Variants in MAP2K1 observed in about 807,000 individuals in gnomAD.
MAP2K1 encodes dual specificity mitogen-activated protein kinase kinase 1.
A neutral mutation model predicts 46.3 loss-of-function variants in MAP2K1; 16 were observed. That is an observed-to-expected ratio of 0.35 (90% CI 0.23 to 0.52). MAP2K1 has a LOEUF of 0.52. MAP2K1 is among the 20% of genes least tolerant of loss of function. The pLI is 0.94. For synonymous variants in MAP2K1, 183 were observed against 185.6 expected, an observed-to-expected ratio of 0.99 and a Z score of 0.11; for missense variants, 263 against 497.1, an observed-to-expected ratio of 0.53 and a Z score of 4.48.
chr15:66,448,623 G>A (rs905886841), intron 5 of MAP2K1, among the ~76,000 whole-genome samples: 1 of 152,170 alleles, frequency 6.6e-6, no homozygotes, highest in Non-Finnish European at 1.5e-5. Flanking sequence ...GTTGGAATTT[G>A]CATGACCAGC....
At chr15:66,448,372 G>A (rs149268018) in intron 5 of MAP2K1, among the ~76,000 whole-genome samples, 74 of 152,298 alleles carry the variant, frequency 4.9e-4, no homozygotes, top group African/African-American at 1.7e-3. Context: ...TCTTAAGTAA[G>A]TGCTGGTTCT....
In MAP2K1 at chr15:66,430,759, C is replaced by T. The variant is rs190374548; in HGVS notation, c.81-4268C>T. ...CTGCTTGATTTAAACCACTGAGCCA[C>T]AAATGAAAGGTTCCAGTTGCAACAG... is the stretch of plus-strand genomic sequence containing the variant. On this transcript the variant is annotated intron_variant, in intron 1 of 10. Transcript: ENST00000307102. Among the ~76,000 whole-genome samples the T allele has an allele frequency of 3.9e-5, 6 of 152,230 alleles. No individual in the cohort carries two copies. In the East Asian group the frequency reaches 9.7e-4, roughly 24 times the overall value.
intron 10 of MAP2K1, chr15:66,490,188 T>G (rs765189744): frequency 3.8e-6 from 2 of 530,740 alleles, no homozygotes; most frequent in Non-Finnish European, 6.8e-6. Flanking sequence ...ATATAGTATA[T>G]AATATGCACT....
chr15:66,407,949 C>G (rs1038721254), intron 1 of MAP2K1, among the ~76,000 whole-genome samples: 1 of 152,236 alleles, frequency 6.6e-6, no homozygotes, highest in African/African-American at 2.4e-5. Context: ...GTAACATAAC[C>G]TAAAGGCCGT....
At chr15:66,415,313 A>G (rs1030759699) in intron 1 of MAP2K1, 2 of 313,020 alleles carry the variant, frequency 6.4e-6, no homozygotes, top group African/African-American at 2.3e-5. Flanking sequence ...TAACAAAGAC[A>G]CTCCTATTAC....
chr15:66,479,242 C>T (rs559761707), intron 5 of MAP2K1, among the ~76,000 whole-genome samples: 36 of 152,106 alleles, frequency 2.4e-4, no homozygotes, highest in East Asian at 1.9e-4. Context: ...GGATTACAGG[C>T]GTGTGCCACC....
At chr15:66,464,483 T>G (rs1340926957) in intron 5 of MAP2K1, among the ~76,000 whole-genome samples, 1 of 152,016 alleles carries the variant, frequency 6.6e-6, no homozygotes, top group Non-Finnish European at 1.5e-5. Flanking sequence ...AATTTCAAAT[T>G]AGGAAAGATG....
At chr15:66,454,350 T>C (rs1220363657) in intron 5 of MAP2K1, among the ~76,000 whole-genome samples, 1 of 152,212 alleles carries the variant, frequency 6.6e-6, no homozygotes, top group Admixed American at 6.5e-5. Context: ...GTGCTACTTG[T>C]TGTGTAACCT....
chr15:66,397,301 C>T (rs2093370486), intron 1 of MAP2K1, among the ~76,000 whole-genome samples: 1 of 152,196 alleles, frequency 6.6e-6, no homozygotes, highest in South Asian at 2.1e-4. Flanking sequence ...CGGCGCCCGG[C>T]CTGTAACACT....
chr15:66,387,411 G>C lies in MAP2K1; in HGVS notation c.64G>C (p.Gly22Arg). ...NPAPDGSAVN[G>R]TSSAETNLEA... ...GGCCCCCGACGGCTCTGCAGTTAAC[G>C]GGACCAGCTCTGCGGAGTAAGTATG... The change falls in exon 1 of 11, where the codon GGG (glycine) becomes CGG (arginine). Residue 22 changes from glycine (G) to arginine (R), a missense_variant. Physicochemically the swap from Gly to Arg is moderately radical, Grantham distance 125. This residue lies in a region of MAP2K1 where 31 missense variants were observed against 29.9 expected (regional missense o/e 1.04). Coordinates refer to ENST00000307102, the MANE Select transcript of MAP2K1 (RefSeq NM_002755.4). The C allele has an allele frequency of 1.9e-6, 3 of 1,561,112 alleles. No individual in the cohort carries two copies. Among genetic ancestry groups the C allele is most frequent in the South Asian group, 1.2e-5 (1 of 84,774 alleles).
chr15:66,489,848 C>A lies in MAP2K1; in HGVS notation c.1068+85C>A, dbSNP rs569157090. 9 of 1,109,154 alleles carry A rather than the reference C, an allele frequency of 8.1e-6. No homozygotes were observed. In the African/African-American group the frequency reaches 1.2e-4, roughly 15 times the overall value. 68.7% of individuals were successfully genotyped at this position (1,109,154 alleles called of 1,614,324 possible). The stretch of plus-strand genomic sequence containing the variant: ...AGTCATCTGTGCAGTACTTCCAGAG[C>A]CCATTCATTCCCTGCCCACTGTGGT... On this transcript the variant is annotated intron_variant, in intron 10 of 10. Transcript: ENST00000307102.
At position 66,387,143 on chromosome 15, in the gene MAP2K1, C is replaced by G; in HGVS notation, c.-205C>G. 2.2e-6 allele frequency: 1 copy of G among 454,408 alleles called. No individual in the cohort carries two copies. The highest frequency in any genetic ancestry group is 4.5e-5 in the Admixed American group (1 of 22,354). 28.1% of individuals were successfully genotyped at this position (454,408 alleles called of 1,614,324 possible). A position where few individuals can be genotyped will look rare whatever the true frequency, so the allele number is the denominator to read the frequency against. ...CGGCTCTCTGCGCGCGAAGCCGAGT[C>G]CCGGGCGGGTGGGGCGGGGGTCCAC... On this transcript the variant is annotated 5_prime_UTR_variant, in exon 1 of 11. Coordinates refer to ENST00000307102, the MANE Select transcript of MAP2K1 (RefSeq NM_002755.4).
intron 10 of MAP2K1, chr15:66,490,296 T>C (rs1893207146): frequency 2.3e-5 from 16 of 686,498 alleles, no homozygotes; most frequent in South Asian, 2.2e-4. Context: ...AAGAGGTGAC[T>C]TGCCCAAGGC....
Position 66,484,992 on chromosome 15 carries a change from A to C in MAP2K1, c.696A>C (p.Pro232=). The C allele has an allele frequency of 6.2e-7, 1 of 1,612,760 alleles. No homozygotes were observed. Among genetic ancestry groups the C allele is most frequent in the Non-Finnish European group, 8.5e-7 (1 of 1,179,650 alleles). The change falls in exon 7 of 11, where the codon CCA becomes CCC. Residue 232 remains proline, a splice_region_variant and synonymous_variant. Transcript: ENST00000307102. ...ATCACTGTCTGTCTCTCCTGCAGCC[A>C]GAAAGACTCCAGGGGACTCATTACT... ...SFVGTRSYMS[P]ERLQGTHYSV...
chr15:66,452,492 T>A (rs1000479109), intron 5 of MAP2K1, among the ~76,000 whole-genome samples: 4 of 152,076 alleles, frequency 2.6e-5, no homozygotes, highest in Admixed American at 2.0e-4. Flanking sequence ...GTTAGAATAT[T>A]TTAATGTATT....
At chr15:66,465,238 A>C in intron 5 of MAP2K1, among the ~76,000 whole-genome samples, 1 of 152,068 alleles carries the variant, frequency 6.6e-6, no homozygotes, top group East Asian at 1.9e-4. Flanking sequence ...TTAAAGAAGG[A>C]ATGGCTTTAT....
rs547431208 is a variant in MAP2K1 at position 66,452,349 on chromosome 15, A to G, written c.568+7642A>G. 4.7e-5 allele frequency among the ~76,000 whole-genome samples: 7 copies of G among 150,124 alleles called. No individual in the cohort carries two copies. The South Asian group carries it at 1.1e-3, about 23-fold the overall frequency. On this transcript the variant is annotated intron_variant, in intron 5 of 10. Transcript: ENST00000307102. ...AGAAAGCCACCTGCTTTCTAATTGTACTGGCTGCCATCTTGTCTTCTTTCT... is the reference window on the plus strand; with the variant it reads ...AGAAAGCCACCTGCTTTCTAATTGTGCTGGCTGCCATCTTGTCTTCTTTCT...
rs773577976 is a variant in MAP2K1, at chr15:66,420,767, GTATA to G, written c.81-14254_81-14251del. On this transcript the variant is annotated intron_variant, in intron 1 of 10. Coordinates refer to ENST00000307102, the MANE Select transcript of MAP2K1 (RefSeq NM_002755.4). ...TGTGTGTGTGTGTGTGTGTATGTGTGTATATATATGTGTATATATATGTGTGTAT... is the reference window on the plus strand; with the variant it reads ...TGTGTGTGTGTGTGTGTGTATGTGTGTATATGTGTATATATATGTGTGTAT... 1.5e-3 allele frequency among the ~76,000 whole-genome samples: 54 copies of G among 35,354 alleles called. 6 individuals are homozygous for G. Among genetic ancestry groups the G allele is most frequent in the Middle Eastern group, 0.02 (1 of 50 alleles). 23.2% of individuals were successfully genotyped at this position (35,354 alleles called of 152,430 possible).
chr15:66,408,883 C>T (rs1047587924), intron 1 of MAP2K1, among the ~76,000 whole-genome samples: 1 of 152,210 alleles, frequency 6.6e-6, no homozygotes, highest in African/African-American at 2.4e-5. Flanking sequence ...CTGCTCCACC[C>T]TCCGGAGCAC....
Sources: gnomAD v4.1 joint callset for allele counts (sites outside exome capture counted in the v4.1 genomes callset) on GRCh38, gnomAD v4.1.1 for gene constraint, gnomAD v4.1.1 regional missense constraint, MANE v1.5 for transcripts, NCBI Gene and HGNC (gene_info 2026-07-23, HGNC 2026-07-21) for gene names.